The following PDZD9 variants were observed in gnomAD, a reference collection of about 807,000 sequenced individuals.
PDZD9 encodes PDZ domain containing 9, also known as PDZ domain-containing protein 9.
In PDZD9, 13 loss-of-function variants were observed where a neutral mutation model predicts 16.3. The ratio of observed to expected loss-of-function variants is 0.80; its 90% confidence interval spans 0.52 to 1.27. The LOEUF (loss-of-function observed/expected upper bound fraction) is 1.27, where lower values mean the gene tolerates loss of function less well. Among genes scored for constraint, PDZD9 ranks in the 50% most tolerant of loss-of-function variants. PDZD9 has a pLI of 0.00. For synonymous variants in PDZD9, 120 were observed against 111.0 expected, an observed-to-expected ratio of 1.08 and a Z score of -0.51; for missense variants, 288 against 310.9, an observed-to-expected ratio of 0.93 and a Z score of 0.55.
At chr16:21,958,999 A>T in the PDZD9 span, among the ~76,000 whole-genome samples, 1 of 152,236 alleles carries the variant, frequency 6.6e-6, no homozygotes, top group African/African-American at 2.4e-5. Flanking sequence ...CCTTAATTTT[A>T]AAATATTTTA....
the PDZD9 span, among the ~76,000 whole-genome samples, chr16:21,963,987 A>G: frequency 6.6e-6 from 1 of 152,164 alleles, no homozygotes; most frequent in African/African-American, 2.4e-5. Flanking sequence ...GACAAGTACA[A>G]CTGGTAATAC....
chr16:21,988,781 C>T lies in PDZD9; in HGVS notation c.222G>A (p.Leu74=). ...NDGKLQPGDV[L]ISVGHANVLG... ...ACACATTGGCATGGCCAACACTAAT[C>T]AGAACATCACCTGAAGAGGGAAAAA... The change falls in exon 3 of 4, where the codon CTG becomes CTA. Residue 74 remains leucine (L), a synonymous_variant. Transcript: ENST00000424898. 1 of 1,608,642 alleles carries T rather than the reference C, an allele frequency of 6.2e-7. No individual in the cohort carries two copies. The highest frequency in any genetic ancestry group is 8.5e-7 in the Non-Finnish European group (1 of 1,178,902).
At position 21,988,591 on chromosome 16, in the gene PDZD9, G is replaced by A; in HGVS notation, c.401+11C>T. 1 of 1,591,986 alleles carries A rather than the reference G, an allele frequency of 6.3e-7. No homozygotes were observed. Among genetic ancestry groups the A allele is most frequent in the Non-Finnish European group, 8.6e-7 (1 of 1,165,010 alleles). On this transcript the variant is annotated intron_variant, in intron 3 of 3. Transcript: ENST00000424898. ...TATTATAACAAAGAGTTCCTAAAAT[G>A]AACTATTTACCTTGTTACTGGGAAT... is the stretch of plus-strand genomic sequence containing the variant.
the PDZD9 span, chr16:21,962,122 G>A: frequency 4.7e-6 from 1 of 214,438 alleles, no homozygotes; most frequent in Non-Finnish European, 9.4e-6. Context: ...TCTCTTTTCA[G>A]TCTCTACAAA....
At chr16:21,966,974 T>G in the PDZD9 span, among the ~76,000 whole-genome samples, 1 of 152,244 alleles carries the variant, frequency 6.6e-6, no homozygotes, top group East Asian at 1.9e-4. Context: ...TGTTGTCACA[T>G]AAAGCAATTT....
chr16:21,974,965 A>G, the PDZD9 span, among the ~76,000 whole-genome samples: 1 of 152,220 alleles, frequency 6.6e-6, no homozygotes, highest in Non-Finnish European at 1.5e-5. Flanking sequence ...GGACAGACAA[A>G]TAGTGAGGTA....
At chr16:21,972,267 T>C in the PDZD9 span, 2 of 1,109,344 alleles carry the variant, frequency 1.8e-6, no homozygotes, top group African/African-American at 1.6e-5. Flanking sequence ...TTGATTTTAG[T>C]ATCTTTGAAG....
chr16:21,988,605 G>A lies in PDZD9; in HGVS notation c.398C>T (p.Thr133Ile), dbSNP rs1200695285. 2.5e-6 allele frequency: 4 copies of A among 1,606,554 alleles called. No individual in the cohort carries two copies. Among genetic ancestry groups the A allele is most frequent in the Non-Finnish European group, 3.4e-6 (4 of 1,175,114 alleles). Residue 133 changes from threonine (T) to isoleucine (I), a missense_variant, in exon 3 of 4, where the codon ACA (threonine) becomes ATA (isoleucine). Physicochemically the swap from Thr to Ile is moderately conservative, Grantham distance 89 (BLOSUM62 -1). Coordinates refer to ENST00000424898, the MANE Select transcript of PDZD9 (RefSeq NM_001363519.1). ...DLIPEAKFPV[T>I]STPKKIELAK... Reference sequence around the variant, plus strand: ...GTTCCTAAAATGAACTATTTACCTTGTTACTGGGAATTTGGCCTCAGGGAT... The same window carrying A: ...GTTCCTAAAATGAACTATTTACCTTATTACTGGGAATTTGGCCTCAGGGAT...
downstream of PDZD9, chr16:21,983,359 AC>A (rs1898784577): frequency 5.6e-6 from 3 of 539,346 alleles, no homozygotes; most frequent in Non-Finnish European, 9.6e-6. Context: ...TGTTTTTCTT[AC>A]GTTTTTCTCA....
chr16:21,961,796 C>T, the PDZD9 span, among the ~76,000 whole-genome samples: 51 of 151,040 alleles, frequency 3.4e-4, no homozygotes, highest in African/African-American at 1.2e-3. Flanking sequence ...GGATTACAGG[C>T]GTGCGCCACC....
intron 2 of PDZD9, among the ~76,000 whole-genome samples, chr16:21,994,998 C>T (rs978448291): frequency 6.6e-6 from 1 of 151,866 alleles, no homozygotes; most frequent in Admixed American, 6.6e-5. Flanking sequence ...GGGCTGCTTT[C>T]GTTTTGTTGT....
the PDZD9 span, among the ~76,000 whole-genome samples, chr16:21,965,059 T>C: frequency 2.0e-5 from 3 of 150,590 alleles, no homozygotes. Context: ...TTGTCCAAGG[T>C]CACATGGCAA....
the PDZD9 span, among the ~76,000 whole-genome samples, chr16:21,970,035 C>T: frequency 6.6e-6 from 1 of 152,054 alleles, no homozygotes; most frequent in East Asian, 1.9e-4. Context: ...TTTGACTATT[C>T]TGGACATTTC....
the PDZD9 span, chr16:21,973,773 GT>G: frequency 6.3e-6 from 5 of 794,206 alleles, no homozygotes; most frequent in Non-Finnish European, 1.0e-5. Flanking sequence ...AACTGGCTAA[GT>G]AAAATATTAA....
chr16:21,961,691 G>C, the PDZD9 span, among the ~76,000 whole-genome samples: 2 of 111,660 alleles, frequency 1.8e-5, no homozygotes, highest in African/African-American at 5.7e-5. Context: ...TCGCTGTGTC[G>C]CCCAGGCTGG....
At chr16:21,968,674 T>C in the PDZD9 span, 2 of 1,609,836 alleles carry the variant, frequency 1.2e-6, no homozygotes, top group Non-Finnish European at 1.7e-6. Flanking sequence ...AGAATGGCTT[T>C]GATTGGACTT....
chr16:21,975,558 T>C, the PDZD9 span, among the ~76,000 whole-genome samples: 1 of 152,166 alleles, frequency 6.6e-6, no homozygotes, highest in Admixed American at 6.5e-5. Context: ...TCAACAAATA[T>C]TTACCAAGTA....
chr16:21,996,870 T>C (rs1899164765), intron 1 of PDZD9, among the ~76,000 whole-genome samples: 1 of 152,220 alleles, frequency 6.6e-6, no homozygotes, highest in African/African-American at 2.4e-5. Flanking sequence ...TTGCCCAGGC[T>C]GGAGTGCAGC....
the PDZD9 span, chr16:21,972,049 A>G: frequency 1.9e-6 from 3 of 1,614,170 alleles, no homozygotes; most frequent in Non-Finnish European, 2.5e-6. Flanking sequence ...GCTGGGCCAC[A>G]TGTCAAGAGG....
Sources: allele counts gnomAD v4.1 joint callset (sites outside exome capture counted in the v4.1 genomes callset), GRCh38; gene constraint gnomAD v4.1.1; transcripts MANE v1.5; gene names NCBI Gene and HGNC (gene_info 2026-07-23, HGNC 2026-07-21).